Variants in FAM78B observed in about 807,000 individuals in gnomAD.
FAM78B encodes family with sequence similarity 78 member B.
A neutral mutation model predicts 20.0 loss-of-function variants in FAM78B; 10 were observed. That is an observed-to-expected ratio of 0.50 (90% CI 0.31 to 0.85). FAM78B has a LOEUF of 0.85. FAM78B is among the 40% of genes least tolerant of loss of function. The probability of loss-of-function intolerance (pLI) is 0.05; values close to 1 mark genes in which losing one functional copy is unlikely to be tolerated. For synonymous variants in FAM78B, 135 were observed against 132.8 expected (o/e 1.02, Z -0.12); for missense variants, 283 against 345.0 (o/e 0.82, Z 1.42).
intron 1 of FAM78B, among the ~76,000 whole-genome samples, chr1:166,074,527 AACTT>A (rs1652190887): frequency 6.6e-6 from 1 of 152,340 alleles, no homozygotes; most frequent in Middle Eastern, 3.4e-3. Flanking sequence ...TGGCACATAA[AACTT>A]AATAACTATT....
chr1:166,084,237 A>ACACACACACACACACACACACACTCT (rs771421402), intron 1 of FAM78B, among the ~76,000 whole-genome samples: 2 of 125,416 alleles, frequency 1.6e-5, no homozygotes, highest in African/African-American at 5.9e-5. Context: ...ACACACACAC[A>ACACACACACACACACACACACACTCT]CTCTCTCTCT....
At chr1:166,155,499 C>T (rs73046949) in intron 1 of FAM78B, among the ~76,000 whole-genome samples, 6,837 of 152,162 alleles carry the variant, frequency 0.045, 343 homozygotes, top group Admixed American at 0.14. Context: ...CATGGTTTCA[C>T]GGGGAGACAG....
At chr1:166,092,406 G>A (rs773514861) in intron 1 of FAM78B, among the ~76,000 whole-genome samples, 7 of 152,088 alleles carry the variant, frequency 4.6e-5, no homozygotes, top group Non-Finnish European at 1.0e-4. Context: ...TTGTTCAAAC[G>A]GGCCCCTCCA....
At chr1:166,077,761 TTATA>T (rs1196531214) in intron 1 of FAM78B, among the ~76,000 whole-genome samples, 2 of 138,688 alleles carry the variant, frequency 1.4e-5, no homozygotes, top group African/African-American at 5.4e-5. Context: ...TTACATATAT[TTATA>T]TATGAATTAT....
At chr1:166,134,424 T>C (rs1654994687) in intron 1 of FAM78B, among the ~76,000 whole-genome samples, 1 of 152,088 alleles carries the variant, frequency 6.6e-6, no homozygotes, top group Admixed American at 6.6e-5. Flanking sequence ...TTTCCCATCT[T>C]ATGGTTGGGC....
chr1:166,099,948 C>G (rs999904387), intron 1 of FAM78B, among the ~76,000 whole-genome samples: 3 of 152,128 alleles, frequency 2.0e-5, no homozygotes, highest in African/African-American at 7.2e-5. Flanking sequence ...ACAACAGCCG[C>G]AGAATACAGA....
At chr1:166,077,965 TATATAATA>T (rs1188967842) in intron 1 of FAM78B, among the ~76,000 whole-genome samples, 1 of 1,344 alleles carries the variant, frequency 7.4e-4, no homozygotes, top group Non-Finnish European at 2.1e-3. Context: ...TATAATTATA[TATATAATA>T]AATATATATA....
chr1:166,103,510 A>G (rs962649937), intron 1 of FAM78B, among the ~76,000 whole-genome samples: 16 of 152,234 alleles, frequency 1.1e-4, no homozygotes, highest in African/African-American at 3.1e-4. Flanking sequence ...ATAAAAAATG[A>G]TAAGGGGGAT....
chr1:166,128,909 T>C (rs938856912), intron 1 of FAM78B, among the ~76,000 whole-genome samples: 1 of 152,218 alleles, frequency 6.6e-6, no homozygotes, highest in East Asian at 1.9e-4. Flanking sequence ...TTTAAGGATC[T>C]CAATATCTTA....
At chr1:166,125,149 T>A (rs1025565943) in intron 1 of FAM78B, among the ~76,000 whole-genome samples, 21 of 152,220 alleles carry the variant, frequency 1.4e-4, no homozygotes. Context: ...GTGGTTTTCA[T>A]TCAGAGCTGA....
intron 2 of FAM78B, among the ~76,000 whole-genome samples, chr1:166,061,913 A>T (rs927575338): frequency 6.6e-6 from 1 of 152,212 alleles, no homozygotes; most frequent in African/African-American, 2.4e-5. Context: ...CCTGGACCAT[A>T]CTGGAGAGAT....
intron 1 of FAM78B, among the ~76,000 whole-genome samples, chr1:166,163,796 T>C (rs1025462291): frequency 1.3e-5 from 2 of 152,214 alleles, no homozygotes; most frequent in East Asian, 1.9e-4. Context: ...AAGAAACAGG[T>C]AGACTGTGGA....
downstream of FAM78B, among the ~76,000 whole-genome samples, chr1:166,067,103 T>C (rs142320315): frequency 5.0e-4 from 76 of 152,250 alleles, no homozygotes; most frequent in African/African-American, 1.2e-3. Context: ...TTTAGACTCA[T>C]TGGTTTGTGG....
At chr1:166,095,232 G>A (rs373458983) in intron 1 of FAM78B, among the ~76,000 whole-genome samples, 3 of 152,248 alleles carry the variant, frequency 2.0e-5, no homozygotes, top group East Asian at 3.9e-4. Flanking sequence ...CCCTGTGTGC[G>A]GAGTGGGCTC....
intron 1 of FAM78B, among the ~76,000 whole-genome samples, chr1:166,094,666 A>C (rs558382024): frequency 6.6e-6 from 1 of 152,214 alleles, no homozygotes; most frequent in African/African-American, 2.4e-5. Context: ...TTCTGCAGTG[A>C]ATATTCTGAC....
chr1:166,142,776 A>C (rs1013938605), intron 1 of FAM78B, among the ~76,000 whole-genome samples: 2 of 152,212 alleles, frequency 1.3e-5, no homozygotes, highest in East Asian at 1.9e-4. Context: ...GGGTCGTAAA[A>C]AGTGGGCTAG....
chr1:166,078,589 C>G (rs762185286), intron 1 of FAM78B, among the ~76,000 whole-genome samples: 3 of 152,180 alleles, frequency 2.0e-5, no homozygotes, highest in Non-Finnish European at 4.4e-5. Flanking sequence ...GGGTTAAGGT[C>G]AAGACTCCAC....
chr1:166,110,831 A>AT (rs1229855074), intron 1 of FAM78B, among the ~76,000 whole-genome samples: 2 of 152,186 alleles, frequency 1.3e-5, no homozygotes, highest in Non-Finnish European at 2.9e-5. Context: ...GTATAATGAG[A>AT]TAAAAAGGTA....
chr1:166,090,509 C>T (rs1195090572), intron 1 of FAM78B, among the ~76,000 whole-genome samples: 1 of 152,210 alleles, frequency 6.6e-6, no homozygotes, highest in African/African-American at 2.4e-5. Context: ...TCCAAGGTCA[C>T]AGGCTATTAA....
Sources: gnomAD v4.1 joint callset for allele counts (sites outside exome capture counted in the v4.1 genomes callset) on GRCh38, gnomAD v4.1.1 for gene constraint, MANE v1.5 for transcripts, NCBI Gene and HGNC (gene_info 2026-07-23, HGNC 2026-07-21) for gene names.